The following NSMCE2 variants were observed in gnomAD, a reference collection of about 807,000 sequenced individuals.
NSMCE2 encodes the protein E3 SUMO-protein ligase NSE2.
In NSMCE2, 24 loss-of-function variants were observed where a neutral mutation model predicts 23.8. That is an observed-to-expected ratio of 1.01 (90% confidence interval 0.73 to 1.42). NSMCE2 has a LOEUF of 1.42. NSMCE2 is among the 40% of genes most tolerant of loss of function. NSMCE2 has a pLI of 0.00. For missense variants in NSMCE2, 284 were observed against 296.5 expected, an observed-to-expected ratio of 0.96 and a Z score of 0.31; for synonymous variants, 92 against 94.1, an observed-to-expected ratio of 0.98 and a Z score of 0.13.
At chr8:125,134,883 A>G (rs922318306) in intron 3 of NSMCE2, among the ~76,000 whole-genome samples, 3 of 151,970 alleles carry the variant, frequency 2.0e-5, no homozygotes, top group African/African-American at 7.3e-5. Flanking sequence ...GTATGCCACC[A>G]TACCCAGCTA....
At chr8:125,224,299 C>G (rs1042710291) in intron 5 of NSMCE2, among the ~76,000 whole-genome samples, 3 of 152,120 alleles carry the variant, frequency 2.0e-5, no homozygotes, top group Admixed American at 1.3e-4. Flanking sequence ...TATGCAGAAG[C>G]GTTTTAGTTT....
At chr8:125,258,235 G>A (rs1826526203) in intron 5 of NSMCE2, among the ~76,000 whole-genome samples, 1 of 152,200 alleles carries the variant, frequency 6.6e-6, no homozygotes, top group Non-Finnish European at 1.5e-5. Flanking sequence ...TTCACTGAGG[G>A]AATGAGTATA....
intron 3 of NSMCE2, among the ~76,000 whole-genome samples, chr8:125,125,886 G>T (rs1479248941): frequency 6.6e-6 from 1 of 152,212 alleles, no homozygotes; most frequent in Non-Finnish European, 1.5e-5. Flanking sequence ...AGGGCCCAGG[G>T]TGATACTGTG....
At chr8:125,264,086 C>T (rs1826813311) in intron 5 of NSMCE2, among the ~76,000 whole-genome samples, 1 of 152,124 alleles carries the variant, frequency 6.6e-6, no homozygotes. Flanking sequence ...TTTTCTCCAA[C>T]GAACATAGAG....
At chr8:125,135,464 C>G (rs1820017740) in intron 3 of NSMCE2, among the ~76,000 whole-genome samples, 1 of 152,092 alleles carries the variant, frequency 6.6e-6, no homozygotes. Context: ...TTTATCTAAC[C>G]CAAGTTCCCA....
chr8:125,168,017 C>G (rs987023889), intron 4 of NSMCE2, among the ~76,000 whole-genome samples: 10 of 152,082 alleles, frequency 6.6e-5, no homozygotes, highest in Admixed American at 6.5e-4. Flanking sequence ...TCATACAGTT[C>G]GGGTATTTCA....
intron 3 of NSMCE2, among the ~76,000 whole-genome samples, chr8:125,109,156 A>G (rs888633419): frequency 2.0e-5 from 3 of 152,196 alleles, no homozygotes; most frequent in African/African-American, 7.2e-5. Context: ...TACAGGCATA[A>G]TAGTGTAATA....
chr8:125,216,041 G>A (rs952997865), intron 5 of NSMCE2, among the ~76,000 whole-genome samples: 2 of 152,046 alleles, frequency 1.3e-5, no homozygotes, highest in Non-Finnish European at 2.9e-5. Context: ...AGTAGAGCAA[G>A]ACTATATCTG....
rs1289137083 is a variant in NSMCE2, at chr8:125,359,263, C to T, written c.626+1445C>T. On this transcript the variant is annotated intron_variant, in intron 7 of 7. Transcript: ENST00000287437. ...CCTGGGTCACAGAGTGATACTCTGT[C>T]TCCAAAAAAAAAAAAAAAAGAGGGA... Among the ~76,000 whole-genome samples the T allele has an allele frequency of 2.2e-5, 3 of 137,430 alleles. No individual in the cohort carries two copies. In the Admixed American group the frequency reaches 2.2e-4, roughly 10 times the overall value. The allele number at this position is 137,430 out of a possible 152,430, so 90.2% of individuals were successfully genotyped here. A position where few individuals can be genotyped will look rare whatever the true frequency, so the allele number is the denominator to read the frequency against.
At chr8:125,293,612 A>G (rs1828202061) in intron 5 of NSMCE2, among the ~76,000 whole-genome samples, 1 of 134,446 alleles carries the variant, frequency 7.4e-6, no homozygotes, top group Non-Finnish European at 1.6e-5. Flanking sequence ...ACTGATGAGT[A>G]GAGGTAACAG....
intron 2 of NSMCE2, 84 bp downstream of exon 2, chr8:125,102,230 GA>G (rs1469430155): frequency 1.2e-6 from 1 of 868,160 alleles, no homozygotes; most frequent in East Asian, 2.4e-5. Context: ...ACATTTGTAT[GA>G]ATGTTTACAG....
At chr8:125,252,149 G>A (rs987217035) in intron 5 of NSMCE2, among the ~76,000 whole-genome samples, 9 of 152,138 alleles carry the variant, frequency 5.9e-5, no homozygotes, top group Admixed American at 4.6e-4. Flanking sequence ...CTGGGAACAC[G>A]AACTTTTAAG....
chr8:125,300,338 G>A (rs1343877511), intron 5 of NSMCE2, among the ~76,000 whole-genome samples: 1 of 147,268 alleles, frequency 6.8e-6, no homozygotes, highest in Non-Finnish European at 1.5e-5. Flanking sequence ...TAATTTTTTT[G>A]TTTTAGTAGA....
intron 4 of NSMCE2, among the ~76,000 whole-genome samples, chr8:125,166,169 A>G (rs1821866807): frequency 6.6e-6 from 1 of 152,166 alleles, no homozygotes; most frequent in Admixed American, 6.5e-5. Flanking sequence ...CACTTTGGAA[A>G]TTAATTAATT....
chr8:125,144,294 CT>C (rs1482605183), intron 3 of NSMCE2, among the ~76,000 whole-genome samples: 1 of 152,216 alleles, frequency 6.6e-6, no homozygotes, highest in Non-Finnish European at 1.5e-5. Context: ...AAGCACATCA[CT>C]TCTGTCCCTT....
In NSMCE2 at chr8:125,182,089, G is replaced by A. The variant is rs1264778299; in HGVS notation, c.265-14G>A. The A allele has an allele frequency of 9.0e-6, 14 of 1,552,520 alleles. No homozygotes were observed. Among genetic ancestry groups the A allele is most frequent in the Non-Finnish European group, 1.2e-5 (14 of 1,150,648 alleles). On this transcript the variant is annotated splice_polypyrimidine_tract_variant and intron_variant, in intron 4 of 7. Transcript: ENST00000287437. ...ATTAACATTTAACTCAGGTAATTTTGTTGTCTCCCTTAGGTGAAAGAAGAA... is the reference window on the plus strand; with the variant it reads ...ATTAACATTTAACTCAGGTAATTTTATTGTCTCCCTTAGGTGAAAGAAGAA...
chr8:125,138,510 G>C (rs1820188614), intron 3 of NSMCE2, among the ~76,000 whole-genome samples: 1 of 152,118 alleles, frequency 6.6e-6, no homozygotes, highest in South Asian at 2.1e-4. Flanking sequence ...ACAGATGTGA[G>C]CCACTGTGCC....
intron 3 of NSMCE2, among the ~76,000 whole-genome samples, chr8:125,118,614 C>T (rs1229407466): frequency 2.0e-5 from 3 of 152,142 alleles, no homozygotes; most frequent in African/African-American, 7.2e-5. Flanking sequence ...GCTTATTGCA[C>T]AGTTTAGGAT....
rs1489488775 is a variant in NSMCE2 at position 125,254,202 on chromosome 8, T to C, written c.418+71946T>C. Among the ~76,000 whole-genome samples the C allele has an allele frequency of 2.0e-5, 3 of 152,220 alleles. No individual in the cohort carries two copies. In the East Asian group the frequency reaches 5.8e-4, roughly 29 times the overall value. ...CTCTAATATCTCTATTGAAACACTC[T>C]GTGTTTCAGTCGTGTTTGAAGATGT... is the stretch of plus-strand genomic sequence containing the variant. On this transcript the variant is annotated intron_variant, in intron 5 of 7. Coordinates refer to ENST00000287437, the MANE Select transcript of NSMCE2 (RefSeq NM_173685.4).
Sources: allele counts gnomAD v4.1 joint callset (sites outside exome capture counted in the v4.1 genomes callset), GRCh38; gene constraint gnomAD v4.1.1; transcripts MANE v1.5; gene names NCBI Gene and HGNC (gene_info 2026-07-23, HGNC 2026-07-21).